ERAP1: variants seen among roughly 807,000 people sequenced by gnomAD.
ERAP1 encodes the protein adipocyte-derived leucine aminopeptidase.
Under a neutral mutation model 103.7 loss-of-function variants are expected in ERAP1, and 86 were observed. The ratio of observed to expected loss-of-function variants is 0.83; its 90% CI spans 0.70 to 0.99. ERAP1 has a LOEUF of 0.99. Ranked by LOEUF, ERAP1 falls within the 50% of genes least tolerant of loss-of-function variation. The probability of loss-of-function intolerance (pLI) is 0.00; values close to 1 mark genes in which losing one functional copy is unlikely to be tolerated. For missense variants in ERAP1, 1,009 were observed against 1,128.4 expected (o/e 0.89, Z 1.52); for synonymous variants, 398 against 402.4 (o/e 0.99, Z 0.13).
At chr5:96,910,784 A>G in the ERAP1 span, among the ~76,000 whole-genome samples, 2 of 152,190 alleles carry the variant, frequency 1.3e-5, no homozygotes, top group Non-Finnish European at 2.9e-5. Flanking sequence ...TTTAATGAAG[A>G]ATTTCTTTAC....
chr5:96,823,524 A>G, the ERAP1 span, among the ~76,000 whole-genome samples: 1 of 152,220 alleles, frequency 6.6e-6, no homozygotes, highest in African/African-American at 2.4e-5. Context: ...TTTTCTTAAA[A>G]TGGGCAAAAA....
chr5:96,846,232 T>C, the ERAP1 span, among the ~76,000 whole-genome samples: 99 of 152,302 alleles, frequency 6.5e-4, no homozygotes, highest in South Asian at 0.021. Context: ...TGATCTATCC[T>C]ACCCACCAAC....
At chr5:96,881,961 G>C in the ERAP1 span, among the ~76,000 whole-genome samples, 1 of 132,724 alleles carries the variant, frequency 7.5e-6, no homozygotes, top group South Asian at 2.8e-4. Context: ...GATTCCACTG[G>C]AACCAAGGAA....
In ERAP1 at chr5:96,785,826, A is replaced by G. The variant is rs1423247531; in HGVS notation, c.1905T>C (p.Asp635=). The G allele has an allele frequency of 8.7e-6, 14 of 1,614,038 alleles. No homozygotes were observed. The highest frequency in any genetic ancestry group is 1.0e-5 in the Non-Finnish European group (12 of 1,180,018). ...ATGCATTGTTAATGAGACTCGCCCG[A>G]TCATTACTGCTGACTGCTGTGTGTG... ...KGTHTAVSSN[D]RASLINNAFQ... is the part of the protein sequence containing the mutation. Residue 635 remains aspartate (D), a synonymous_variant, in exon 13 of 19, where the codon GAT becomes GAC. Coordinates refer to ENST00000443439, the MANE Select transcript of ERAP1 (RefSeq NM_001040458.3).
chr5:96,930,570 A>G, the ERAP1 span, among the ~76,000 whole-genome samples: 1 of 152,180 alleles, frequency 6.6e-6, no homozygotes, highest in African/African-American at 2.4e-5. Flanking sequence ...GCCACCCTAC[A>G]GGCTGCAACC....
chr5:96,765,159 C>A, intron 19 of ERAP1: 2 of 930,128 alleles, frequency 2.2e-6, no homozygotes, highest in South Asian at 1.4e-5. Flanking sequence ...AGTTCCTGGG[C>A]TAATTTGCCT....
chr5:96,895,341 A>G, the ERAP1 span: 1 of 1,609,624 alleles, frequency 6.2e-7, no homozygotes, highest in South Asian at 1.1e-5. Flanking sequence ...TTAATGCTAC[A>G]TATCCAGAGC....
chr5:96,781,000 A>G, intron 17 of ERAP1, 58 bp downstream of exon 17: 1 of 1,603,758 alleles, frequency 6.2e-7, no homozygotes, highest in Non-Finnish European at 8.5e-7. Context: ...CAGCAAGGCT[A>G]AAACACAGTA....
At chr5:96,889,614 T>C in the ERAP1 span, 1 of 650,866 alleles carries the variant, frequency 1.5e-6, no homozygotes, top group Admixed American at 2.4e-5. Flanking sequence ...AGGTAGAGGG[T>C]CCAGGAAAGA....
At chr5:96,929,849 CT>C in the ERAP1 span, among the ~76,000 whole-genome samples, 5 of 151,634 alleles carry the variant, frequency 3.3e-5, no homozygotes. Flanking sequence ...ATGGCTCCAT[CT>C]TTACTTTCCT....
At position 96,792,130 on chromosome 5, in the gene ERAP1, GT is replaced by G. The variant is rs774228825; in HGVS notation, c.1250del (p.His417ProfsTer29). On this transcript the variant is annotated frameshift_variant, in exon 8 of 19. Coordinates refer to ENST00000443439, the MANE Select transcript of ERAP1 (RefSeq NM_001040458.3). LOFTEE classifies it high-confidence loss of function. Reference protein sequence around the residue: ...AMEVDALNSSHPVSTPVENPA... With the variant: ...AMEVDALNSSXPVSTPVENPA... ...GATTTTCCACAGGTGTAGACACAGG[GT>G]GTGAGGAATTTAAAGCATCTACCTC... The G allele has an allele frequency of 1.9e-6, 3 of 1,613,372 alleles. No individual in the cohort carries two copies. The African/African-American group carries it at 4.0e-5, about 22-fold the overall frequency.
At chr5:96,771,234 C>T (rs79990526), downstream of ERAP1, among the ~76,000 whole-genome samples, 785 of 152,180 alleles carry the variant, frequency 5.2e-3, 2 homozygotes, top group Non-Finnish European at 7.8e-3. Flanking sequence ...TTCAGTTATA[C>T]GAAGTACTTA....
chr5:96,773,609 ATAT>A (rs2150837819), downstream of ERAP1: 1 of 152,056 alleles, frequency 6.6e-6, no homozygotes, highest in African/African-American at 2.4e-5. Flanking sequence ...AATTATATAT[ATAT>A]ATTAAATTTG....
chr5:96,819,215 C>T, the ERAP1 span, among the ~76,000 whole-genome samples: 5 of 152,202 alleles, frequency 3.3e-5, no homozygotes, highest in African/African-American at 1.2e-4. Flanking sequence ...TGAGCCACCA[C>T]ACCCGGCTTG....
chr5:96,913,396 C>T, the ERAP1 span: 1 of 1,614,078 alleles, frequency 6.2e-7, no homozygotes, highest in African/African-American at 1.3e-5. Flanking sequence ...TGCCAGACGT[C>T]CAAAGGGGCA....
chr5:96,768,417 G>T (rs368019597), intron 19 of ERAP1: 1 of 456,332 alleles, frequency 2.2e-6, no homozygotes, highest in African/African-American at 2.0e-5. Context: ...TGAATCAAAC[G>T]ATGATATAGA....
At chr5:96,836,958 T>G in the ERAP1 span, among the ~76,000 whole-genome samples, 1 of 152,228 alleles carries the variant, frequency 6.6e-6, no homozygotes, top group Non-Finnish European at 1.5e-5. Flanking sequence ...AATTAAATTT[T>G]TATTTATATT....
At chr5:96,900,880 T>C in the ERAP1 span, among the ~76,000 whole-genome samples, 1 of 152,104 alleles carries the variant, frequency 6.6e-6, no homozygotes, top group African/African-American at 2.4e-5. Context: ...GGTTTCACCA[T>C]GTAGGCCAGA....
intron 18 of ERAP1, among the ~76,000 whole-genome samples, chr5:96,780,094 G>A (rs559186773): frequency 2.0e-5 from 3 of 152,334 alleles, no homozygotes; most frequent in South Asian, 4.1e-4. Flanking sequence ...TTTAGCAACA[G>A]CTGGATGACC....
Sources: gnomAD v4.1 joint callset for allele counts (sites outside exome capture counted in the v4.1 genomes callset) on GRCh38, gnomAD v4.1.1 for gene constraint, MANE v1.5 for transcripts, NCBI Gene and HGNC (gene_info 2026-07-23, HGNC 2026-07-21) for gene names.